MAPK10: variants seen among roughly 807,000 people sequenced by gnomAD.
MAPK10 encodes the protein mitogen-activated protein kinase 10, also known as JNK3 alpha protein kinase.
A neutral mutation model predicts 59.3 loss-of-function variants in MAPK10; 25 were observed. The ratio of observed to expected loss-of-function variants is 0.42; its 90% CI spans 0.31 to 0.59. The LOEUF (loss-of-function observed/expected upper bound fraction) is 0.59, where lower values mean the gene tolerates loss of function less well. MAPK10 is among the 20% of genes least tolerant of loss of function. MAPK10 has a pLI of 0.15. For synonymous variants in MAPK10, 190 were observed against 200.5 expected, an observed-to-expected ratio of 0.95 and a Z score of 0.44; for missense variants, 351 against 568.9, an observed-to-expected ratio of 0.62 and a Z score of 3.90.
intron 1 of MAPK10, among the ~76,000 whole-genome samples, chr4:86,490,402 T>A (rs1754367882): frequency 6.6e-6 from 1 of 152,220 alleles, no homozygotes; most frequent in African/African-American, 2.4e-5. Flanking sequence ...CTCTGTACTA[T>A]GTGGTAAGCG....
intron 1 of MAPK10, among the ~76,000 whole-genome samples, chr4:86,437,404 T>C (rs1307265279): frequency 6.6e-5 from 10 of 152,170 alleles, no homozygotes; most frequent in Admixed American, 6.6e-4. Context: ...TTCTGTTATT[T>C]GTGCAGAATT....
At chr4:86,545,854 C>T (rs1326767906) in intron 1 of MAPK10, among the ~76,000 whole-genome samples, 2 of 152,220 alleles carry the variant, frequency 1.3e-5, no homozygotes, top group Non-Finnish European at 2.9e-5. Flanking sequence ...ATTACACATA[C>T]GTATCATTCT....
At chr4:86,476,599 C>T (rs1213071437) in intron 1 of MAPK10, among the ~76,000 whole-genome samples, 1 of 152,162 alleles carries the variant, frequency 6.6e-6, no homozygotes, top group Non-Finnish European at 1.5e-5. Flanking sequence ...TATTTTATTA[C>T]CCAATCTGTT....
intron 1 of MAPK10, among the ~76,000 whole-genome samples, chr4:86,451,551 T>C (rs1750722225): frequency 6.6e-6 from 1 of 152,110 alleles, no homozygotes; most frequent in Admixed American, 6.5e-5. Context: ...TGTGTGAAAG[T>C]GATTTAAGAA....
chr4:86,403,152 T>C (rs1257996667), intron 1 of MAPK10, among the ~76,000 whole-genome samples: 1 of 152,198 alleles, frequency 6.6e-6, no homozygotes, highest in Non-Finnish European at 1.5e-5. Flanking sequence ...TATGTGTTCC[T>C]GGTGCTGGAT....
chr4:86,533,039 A>C (rs1411227575), intron 1 of MAPK10, among the ~76,000 whole-genome samples: 1 of 152,240 alleles, frequency 6.6e-6, no homozygotes, highest in Non-Finnish European at 1.5e-5. Context: ...CCTCAGGAAA[A>C]AAAAAACAAA....
At chr4:86,141,291 A>T (rs1205620117) in intron 4 of MAPK10, among the ~76,000 whole-genome samples, 1 of 152,206 alleles carries the variant, frequency 6.6e-6, no homozygotes, top group Non-Finnish European at 1.5e-5. Flanking sequence ...TGAACATGAG[A>T]TAGTTAACTG....
chr4:86,520,663 G>A (rs990864405), intron 1 of MAPK10, among the ~76,000 whole-genome samples: 9 of 152,116 alleles, frequency 5.9e-5, no homozygotes, highest in East Asian at 1.9e-4. Context: ...GAGCTAATGC[G>A]ATCTTTTGGG....
At chr4:86,081,826 C>T (rs1295293542) in intron 9 of MAPK10, 1 of 151,608 alleles carries the variant, frequency 6.6e-6, no homozygotes, top group African/African-American at 2.4e-5. Flanking sequence ...ATTAAGAAAA[C>T]CTTGCACATG....
intron 9 of MAPK10, among the ~76,000 whole-genome samples, chr4:86,079,013 G>A (rs947371259): frequency 3.3e-5 from 5 of 151,804 alleles, no homozygotes; most frequent in African/African-American, 1.2e-4. Context: ...AAAAGAAAAA[G>A]AAAAATGTTT....
intron 2 of MAPK10, among the ~76,000 whole-genome samples, chr4:86,342,524 TAA>T (rs200043820): frequency 0.018 from 1,691 of 95,806 alleles, 15 homozygotes; most frequent in Non-Finnish European, 0.03. Context: ...CTTAGATTAA[TAA>T]AGTGTCTTCC....
chr4:86,293,719 A>C (rs1303690815), intron 2 of MAPK10, among the ~76,000 whole-genome samples: 2 of 152,136 alleles, frequency 1.3e-5, no homozygotes, highest in East Asian at 3.9e-4. Context: ...AAGGGGGAGC[A>C]GGCGTTTCAC....
intron 2 of MAPK10, among the ~76,000 whole-genome samples, chr4:86,299,247 G>A (rs1445075126): frequency 6.6e-6 from 1 of 152,152 alleles, no homozygotes; most frequent in South Asian, 2.1e-4. Context: ...AAGGAAAAGA[G>A]ATTACAGACT....
At chr4:86,143,809 A>G (rs2064187687) in intron 4 of MAPK10, among the ~76,000 whole-genome samples, 1 of 152,178 alleles carries the variant, frequency 6.6e-6, no homozygotes, top group African/African-American at 2.4e-5. Context: ...ATAAAGAATG[A>G]CTTTCTTTTA....
chr4:86,498,476 C>T (rs1355436627), intron 1 of MAPK10, among the ~76,000 whole-genome samples: 1 of 152,104 alleles, frequency 6.6e-6, no homozygotes, highest in Non-Finnish European at 1.5e-5. Context: ...AACTGAGTGC[C>T]CTGAAAAGTG....
Position 86,017,330 on chromosome 4 carries a change from C to T in MAPK10, c.1293G>A (p.Ser431=), listed in dbSNP as rs181956061. The part of the protein sequence containing the change: ...VNSSESLPPS[S]SVNDISSMST... ...ACATGGAGGAGATGTCATTGACAGA[C>T]GAGGATGGAGGGAGACTCTCACTGC... Residue 431 remains serine, a synonymous_variant, in exon 14 of 14, where the codon TCG becomes TCA. Coordinates refer to ENST00000641462, the MANE Select transcript of MAPK10 (RefSeq NM_138982.4). The surrounding 1 kb of genome is among the most constrained non-coding windows in gnomAD (Gnocchi z 4.4). The T allele has an allele frequency of 8.8e-5, 142 of 1,614,086 alleles. No homozygotes were observed. Among genetic ancestry groups the T allele is most frequent in the East Asian group, 1.8e-4 (8 of 44,868 alleles).
chr4:86,459,137 A>G (rs778175871), intron 1 of MAPK10, among the ~76,000 whole-genome samples: 1 of 152,268 alleles, frequency 6.6e-6, no homozygotes, highest in Non-Finnish European at 1.5e-5. Context: ...AGGATATACA[A>G]ATGGACAACA....
intron 1 of MAPK10, among the ~76,000 whole-genome samples, chr4:86,394,719 A>C (rs970300794): frequency 2.0e-5 from 3 of 152,218 alleles, no homozygotes; most frequent in African/African-American, 7.2e-5. Context: ...CATGCTTTCT[A>C]TCTTGAGTAG....
chr4:86,551,563 CTTCTCTCTTTCT>C (rs1036021219), intron 1 of MAPK10, among the ~76,000 whole-genome samples: 2 of 147,396 alleles, frequency 1.4e-5, no homozygotes, highest in African/African-American at 4.9e-5. Flanking sequence ...TTCCTTCCTT[CTTCTCTCTTTCT>C]TTCTCTCTCT....
Sources: gnomAD v4.1 joint callset for allele counts (sites outside exome capture counted in the v4.1 genomes callset) on GRCh38, gnomAD v4.1.1 for gene constraint, Gnocchi (gnomAD v3.1) non-coding constraint, MANE v1.5 for transcripts, NCBI Gene and HGNC (gene_info 2026-07-23, HGNC 2026-07-21) for gene names.